UPF2: variants seen among roughly 807,000 people sequenced by gnomAD.
UPF2 encodes regulator of nonsense transcripts 2.
Under a neutral mutation model 141.4 loss-of-function variants are expected in UPF2, and 17 were observed. The ratio of observed to expected loss-of-function variants is 0.12; its 90% CI spans 0.08 to 0.18. The LOEUF (loss-of-function observed/expected upper bound fraction) is 0.18. Among genes scored for constraint, UPF2 ranks in the 10% least tolerant of loss-of-function variants. The pLI is 1.00. For synonymous variants in UPF2, 540 were observed against 498.0 expected (o/e 1.08, Z -1.12); for missense variants, 1,152 against 1,515.9 (o/e 0.76, Z 3.99).
intron 4 of UPF2, among the ~76,000 whole-genome samples, chr10:12,010,633 T>C (rs190596173): frequency 3.5e-4 from 54 of 152,156 alleles, no homozygotes; most frequent in African/African-American, 1.3e-3. Context: ...TGAGTCCCTA[T>C]AGGAGAGGTG....
chr10:11,980,094 C>A lies in UPF2; in HGVS notation c.1845-929G>T, dbSNP rs1293334578. Among the ~76,000 whole-genome samples, 1 of 151,890 alleles carries A rather than the reference C, an allele frequency of 6.6e-6. No individual in the cohort carries two copies. Among genetic ancestry groups the A allele is most frequent in the Non-Finnish European group, 1.5e-5 (1 of 67,956 alleles). The stretch of plus-strand genomic sequence containing the variant: ...TGGCACTCACACTGCCACCCTCTTC[C>A]ATTGTCAAAGCACTCTTTCCCATTA... On this transcript the variant is annotated intron_variant, in intron 8 of 21. Coordinates refer to ENST00000357604, the MANE Select transcript of UPF2 (RefSeq NM_015542.4). This position sits in a 1 kb window ranked among gnomAD's most constrained non-coding sequence, Gnocchi z 4.2.
At chr10:11,942,243 C>A (rs536496026) in intron 18 of UPF2, among the ~76,000 whole-genome samples, 24 of 152,206 alleles carry the variant, frequency 1.6e-4, no homozygotes, top group African/African-American at 5.3e-4. Flanking sequence ...GGTGGTGGCA[C>A]ATGCCTGTAA....
intron 10 of UPF2, 38 bp from the exon 11 acceptor site, chr10:11,964,163 T>A (rs368838059): frequency 4.9e-5 from 72 of 1,461,416 alleles, no homozygotes; most frequent in Non-Finnish European, 6.7e-5. Flanking sequence ...CAAAGGCAAC[T>A]CTTCAATCCT....
rs191527467 is a variant in UPF2, at chr10:12,042,105, C to G, written c.-19+650G>C. 5.9e-5 allele frequency among the ~76,000 whole-genome samples: 9 copies of G among 152,222 alleles called. No homozygotes were observed. The highest frequency in any genetic ancestry group is 3.3e-4 in the Admixed American group (5 of 15,284). On this transcript the variant is annotated intron_variant, in intron 1 of 21. Transcript: ENST00000357604. The surrounding 1 kb of genome is among the most constrained non-coding windows in gnomAD (Gnocchi z 5.5). The stretch of plus-strand genomic sequence containing the variant: ...AAGGAAGTCAACCAAACAGCCCATG[C>G]CCACCATCCCCAGATACACCCCAAG...
At position 12,012,754 on chromosome 10, in the gene UPF2, G is replaced by A. The variant is rs145504128; in HGVS notation, c.1306+1270C>T. Among the ~76,000 whole-genome samples, 52 of 147,296 alleles carry A rather than the reference G, an allele frequency of 3.5e-4. No individual in the cohort carries two copies. The East Asian group carries it at 7.6e-3, about 22-fold the overall frequency. On this transcript the variant is annotated intron_variant, in intron 4 of 21. Transcript: ENST00000357604. ...GCGGAGCTTGCAGTGAGCAGAGACC[G>A]CACCACTGCATTCCAGCCTGGGCAA...
At chr10:11,945,394 G>A (rs112186266) in intron 16 of UPF2, among the ~76,000 whole-genome samples, 15 of 152,296 alleles carry the variant, frequency 9.8e-5, no homozygotes, top group African/African-American at 3.4e-4. Flanking sequence ...CATAATCAAT[G>A]CATCTTTCTT....
At chr10:11,991,060 A>G (rs1833772017) in intron 8 of UPF2, among the ~76,000 whole-genome samples, 1 of 152,138 alleles carries the variant, frequency 6.6e-6, no homozygotes, top group Admixed American at 6.5e-5. Context: ...ACGTAATAAA[A>G]AGAGGGTAAG....
rs1429582211 is a variant in UPF2 at position 11,980,287 on chromosome 10, T to C, written c.1845-1122A>G. Among the ~76,000 whole-genome samples the C allele has an allele frequency of 6.6e-6, 1 of 152,146 alleles. No individual in the cohort carries two copies. Among genetic ancestry groups the C allele is most frequent in the Non-Finnish European group, 1.5e-5 (1 of 68,034 alleles). ...CACTCAGCAGATCAGACTCTGAAGA[T>C]GAGAAGTAATGAGCAACTGATAAAA... On this transcript the variant is annotated intron_variant, in intron 8 of 21. Transcript: ENST00000357604. The surrounding 1 kb of genome is among the most constrained non-coding windows in gnomAD (Gnocchi z 4.2).
chr10:11,989,416 C>G (rs1833744202), intron 8 of UPF2, among the ~76,000 whole-genome samples: 1 of 152,068 alleles, frequency 6.6e-6, no homozygotes, highest in Non-Finnish European at 1.5e-5. Context: ...GCCAGGAGTT[C>G]AAGAGCAGCC....
intron 10 of UPF2, among the ~76,000 whole-genome samples, chr10:11,967,130 T>C (rs11257454): frequency 0.06 from 9,117 of 152,290 alleles, 528 homozygotes; most frequent in East Asian, 0.24. Flanking sequence ...TCACCCTTTT[T>C]AGATTTCACG....
intron 3 of UPF2, 101 bp downstream of exon 3, chr10:12,028,644 G>T (rs963315590): frequency 8.3e-6 from 10 of 1,211,732 alleles, no homozygotes; most frequent in Non-Finnish European, 1.0e-5. Flanking sequence ...CCTGTAAGGA[G>T]CCCTTTTCCA....
rs1249897199 is a variant in UPF2, at chr10:11,952,242, A to C, written c.2858T>G (p.Val953Gly). 2 of 1,591,694 alleles carry C rather than the reference A, an allele frequency of 1.3e-6. No individual in the cohort carries two copies. The highest frequency in any genetic ancestry group is 1.4e-5 in the African/African-American group (1 of 73,646). The change falls in exon 15 of 22, where the codon GTT (valine) becomes GGT (glycine). Residue 953 changes from valine to glycine, a missense_variant. By Grantham distance (109) the Val-to-Gly change is moderately radical. This residue lies in a region of UPF2 where 739 missense variants were observed against 1,032.2 expected (regional missense o/e 0.72). Coordinates refer to ENST00000357604, the MANE Select transcript of UPF2 (RefSeq NM_015542.4). ...AACCTCCAAACTTTTCTTCCACCAA[A>C]CATAACGCTGATAACAAATGAAAAA... ...DCFLVYFQRY[V>G]WWKKSLEVWT...
intron 8 of UPF2, among the ~76,000 whole-genome samples, chr10:11,994,837 G>C (rs1376624639): frequency 6.6e-6 from 1 of 151,744 alleles, no homozygotes; most frequent in African/African-American, 2.4e-5. Context: ...TTAGCCGGGC[G>C]TGGTGGCAGG....
chr10:12,009,766 C>G (rs1245732985), intron 4 of UPF2, among the ~76,000 whole-genome samples: 3 of 152,126 alleles, frequency 2.0e-5, no homozygotes, highest in Admixed American at 2.0e-4. Context: ...TCCCAGGACA[C>G]AGTACCAGAG....
At chr10:12,020,799 T>C (rs946843326) in intron 3 of UPF2, among the ~76,000 whole-genome samples, 5 of 152,222 alleles carry the variant, frequency 3.3e-5, no homozygotes, top group African/African-American at 9.6e-5. Context: ...TTGCCCAAGA[T>C]TGCAGAATGT....
chr10:11,928,458 C>A lies in UPF2; in HGVS notation c.3809+1407G>T, dbSNP rs139872346. 2.6e-3 allele frequency among the ~76,000 whole-genome samples: 391 copies of A among 152,212 alleles called. 3 individuals are homozygous for A. The highest frequency in any genetic ancestry group is 8.4e-3 in the African/African-American group (349 of 41,538). On this transcript the variant is annotated intron_variant, in intron 21 of 21. Transcript: ENST00000357604. Reference sequence around the variant, plus strand: ...GGCGCAGTGGCTCACGCCTGTAATCCCAACACTTTGGGAGGCCGAGGCGGG... The same window carrying A: ...GGCGCAGTGGCTCACGCCTGTAATCACAACACTTTGGGAGGCCGAGGCGGG...
chr10:11,942,829 C>T, intron 17 of UPF2, 66 bp from the exon 18 acceptor site: 1 of 1,437,822 alleles, frequency 7.0e-7, no homozygotes, highest in Non-Finnish European at 9.7e-7. Context: ...AGGGCAAAGC[C>T]TTTTAGTATT....
At chr10:12,024,072 G>A (rs1184743563) in intron 3 of UPF2, among the ~76,000 whole-genome samples, 1 of 152,158 alleles carries the variant, frequency 6.6e-6, no homozygotes, top group Non-Finnish European at 1.5e-5. Context: ...ATATCAGCTA[G>A]CTTAGTTTTC....
In UPF2 at chr10:12,004,537, A is replaced by G. The variant is rs757269109; in HGVS notation, c.1497T>C (p.Asp499=). Residue 499 remains aspartate (D), a synonymous_variant, in exon 5 of 22, where the codon GAT becomes GAC. Coordinates refer to ENST00000357604, the MANE Select transcript of UPF2 (RefSeq NM_015542.4). ...SCQNKESNKD[D]TKEAKESKEN... is the part of the protein sequence containing the mutation. ...TTTTTCTCTAGAATTTACCTTTGGTATCATCTTTGTTGGACTCTTTATTCT... is the reference window on the plus strand; with the variant it reads ...TTTTTCTCTAGAATTTACCTTTGGTGTCATCTTTGTTGGACTCTTTATTCT... The G allele has an allele frequency of 1.2e-5, 19 of 1,609,602 alleles. No individual in the cohort carries two copies. The highest frequency in any genetic ancestry group is 1.5e-5 in the Non-Finnish European group (18 of 1,178,448).
Sources: allele counts gnomAD v4.1 joint callset (sites outside exome capture counted in the v4.1 genomes callset), GRCh38; gene constraint gnomAD v4.1.1; regional missense constraint gnomAD v4.1.1; non-coding constraint Gnocchi (gnomAD v3.1); transcripts MANE v1.5; gene names NCBI Gene and HGNC (gene_info 2026-07-23, HGNC 2026-07-21).